PCDH15: variants seen among roughly 807,000 people sequenced by gnomAD.
PCDH15 encodes protocadherin-15.
Under a neutral mutation model 178.5 loss-of-function variants are expected in PCDH15, and 129 were observed. That is an observed-to-expected ratio of 0.72 (90% confidence interval 0.63 to 0.84). PCDH15 has a LOEUF of 0.84. PCDH15 is among the 40% of genes least tolerant of loss of function. The pLI is 0.00. For synonymous variants in PCDH15, 800 were observed against 732.0 expected (o/e 1.09, Z -1.50); for missense variants, 2,230 against 2,099.9 (o/e 1.06, Z -1.21).
chr10:54,421,916 A>ATATATATACAC (rs1565232327), intron 3 of PCDH15, among the ~76,000 whole-genome samples: 4,548 of 112,040 alleles, frequency 0.041, 247 homozygotes, highest in Middle Eastern at 0.09. Flanking sequence ...TATACACTAT[A>ATATATATACAC]TATATATATA....
chr10:54,246,423 A>G (rs1177631155), intron 8 of PCDH15, among the ~76,000 whole-genome samples: 1 of 151,822 alleles, frequency 6.6e-6, no homozygotes, highest in East Asian at 1.9e-4. Context: ...ATAGTATAAA[A>G]CCTTTTATAT....
intron 2 of PCDH15, among the ~76,000 whole-genome samples, chr10:55,364,990 A>G (rs1845320869): frequency 6.6e-6 from 1 of 152,070 alleles, no homozygotes; most frequent in African/African-American, 2.4e-5. Flanking sequence ...TTGTCTGCCA[A>G]GATTTTCTGT....
chr10:53,981,852 C>T (rs975221900), intron 21 of PCDH15, among the ~76,000 whole-genome samples: 1 of 150,648 alleles, frequency 6.6e-6, no homozygotes, highest in Non-Finnish European at 1.5e-5. Context: ...TTCTGCACAG[C>T]AAAAGAAACT....
intron 3 of PCDH15, among the ~76,000 whole-genome samples, chr10:54,387,610 T>C (rs947435590): frequency 1.3e-5 from 2 of 152,142 alleles, no homozygotes; most frequent in Non-Finnish European, 2.9e-5. Flanking sequence ...TCTCAAAGTA[T>C]CAAAAAACTC....
At chr10:54,339,168 A>T (rs778740249) in intron 6 of PCDH15, among the ~76,000 whole-genome samples, 1 of 152,164 alleles carries the variant, frequency 6.6e-6, no homozygotes, top group Non-Finnish European at 1.5e-5. Flanking sequence ...TCCTTAAAAC[A>T]TTATAAGATT....
At chr10:55,359,771 C>CATATAT (rs1408910096) in intron 2 of PCDH15, among the ~76,000 whole-genome samples, 47 of 136,676 alleles carry the variant, frequency 3.4e-4, no homozygotes, top group African/African-American at 1.3e-3. Context: ...CACACACACA[C>CATATAT]ATATATATAT....
At chr10:54,509,811 G>C (rs2081485297) in intron 3 of PCDH15, among the ~76,000 whole-genome samples, 1 of 152,104 alleles carries the variant, frequency 6.6e-6, no homozygotes, top group South Asian at 2.1e-4. Context: ...AATTTTAGCT[G>C]TTTCTCAAGT....
intron 5 of PCDH15, among the ~76,000 whole-genome samples, chr10:54,361,465 T>C (rs1946036918): frequency 6.6e-6 from 1 of 152,108 alleles, no homozygotes; most frequent in Admixed American, 6.6e-5. Flanking sequence ...TATCTATTCA[T>C]TGCATGCACC....
chr10:54,856,565 C>G (rs12774265), intron 3 of PCDH15, among the ~76,000 whole-genome samples: 25,701 of 152,086 alleles, frequency 0.17, 2,226 homozygotes, highest in Middle Eastern at 0.22. Flanking sequence ...TATTTTATAG[C>G]TTCCCTAATA....
intron 2 of PCDH15, among the ~76,000 whole-genome samples, chr10:55,499,440 CACA>C (rs1840606381): frequency 6.7e-6 from 1 of 148,704 alleles, no homozygotes; most frequent in Admixed American, 6.7e-5. Context: ...CACACACACA[CACA>C]CACACACACA....
chr10:54,905,165 G>A (rs1237550152), intron 2 of PCDH15, among the ~76,000 whole-genome samples: 3 of 151,988 alleles, frequency 2.0e-5, no homozygotes, highest in Non-Finnish European at 4.4e-5. Flanking sequence ...CAGTTGCACA[G>A]TGCCACATTA....
chr10:54,951,548 T>C (rs1258241661), intron 2 of PCDH15, among the ~76,000 whole-genome samples: 4 of 152,078 alleles, frequency 2.6e-5, no homozygotes, highest in Non-Finnish European at 4.4e-5. Context: ...GGTGTGGTTA[T>C]TAGTTTTCAC....
intron 2 of PCDH15, among the ~76,000 whole-genome samples, chr10:55,133,278 C>T (rs916036724): frequency 1.3e-5 from 2 of 152,084 alleles, no homozygotes; most frequent in Admixed American, 6.6e-5. Context: ...TGAGAAGTTC[C>T]CAGTCCTCAT....
chr10:55,378,903 C>CTCTCTCTG (rs2131998472), intron 2 of PCDH15, among the ~76,000 whole-genome samples: 1 of 151,652 alleles, frequency 6.6e-6, no homozygotes, highest in African/African-American at 2.4e-5. Flanking sequence ...CTCTCTCTCT[C>CTCTCTCTG]TCTCTCACAT....
At chr10:55,251,801 A>G (rs1841845409) in intron 1 of PCDH15, among the ~76,000 whole-genome samples, 1 of 152,130 alleles carries the variant, frequency 6.6e-6, no homozygotes, top group Non-Finnish European at 1.5e-5. Flanking sequence ...ACAGTCATTT[A>G]TTTTCAAGGC....
At chr10:54,809,064 G>C (rs145200709) in intron 3 of PCDH15, among the ~76,000 whole-genome samples, 25 of 152,242 alleles carry the variant, frequency 1.6e-4, no homozygotes, top group Non-Finnish European at 3.4e-4. Context: ...CATAGTAAGA[G>C]AGTATAAATT....
intron 3 of PCDH15, among the ~76,000 whole-genome samples, chr10:54,479,357 A>G (rs1327060180): frequency 6.6e-6 from 1 of 152,014 alleles, no homozygotes; most frequent in African/African-American, 2.4e-5. Flanking sequence ...AATGAATAGT[A>G]TTTATGCTTA....
intron 16 of PCDH15, among the ~76,000 whole-genome samples, chr10:54,084,884 C>G (rs1004899091): frequency 6.6e-6 from 1 of 152,130 alleles, no homozygotes; most frequent in African/African-American, 2.4e-5. Context: ...CTTTTGGGCA[C>G]TGAGTTTCAG....
At chr10:55,542,554 T>C (rs565286949) in intron 2 of PCDH15, among the ~76,000 whole-genome samples, 101 of 150,782 alleles carry the variant, frequency 6.7e-4, no homozygotes, top group Admixed American at 3.2e-3. Flanking sequence ...TATCAGTATA[T>C]GTGTATATAC....
Sources: gnomAD v4.1 joint callset for allele counts (sites outside exome capture counted in the v4.1 genomes callset) on GRCh38, gnomAD v4.1.1 for gene constraint, MANE v1.5 for transcripts, NCBI Gene and HGNC (gene_info 2026-07-23, HGNC 2026-07-21) for gene names.